LRBA: variants seen among roughly 807,000 people sequenced by gnomAD.
LRBA encodes lipopolysaccharide-responsive and beige-like anchor protein.
In LRBA, 176 loss-of-function variants were observed where a neutral mutation model predicts 330.0. The ratio of observed to expected loss-of-function variants is 0.53; its 90% confidence interval spans 0.47 to 0.60. The LOEUF (loss-of-function observed/expected upper bound fraction) is 0.60. Ranked by LOEUF, LRBA falls within the 20% of genes least tolerant of loss-of-function variation. The pLI is 0.00. For synonymous variants in LRBA, 1,230 were observed against 1,193.0 expected (o/e 1.03, Z -0.64); for missense variants, 3,259 against 3,444.8 (o/e 0.95, Z 1.35).
intron 35 of LRBA, among the ~76,000 whole-genome samples, chr4:150,740,484 G>C (rs774763505): frequency 6.6e-6 from 1 of 151,736 alleles, no homozygotes; most frequent in Non-Finnish European, 1.5e-5. Flanking sequence ...CTGGATTTAA[G>C]GCAAATACAC....
chr4:150,971,864 AG>A (rs1248047195), intron 2 of LRBA, among the ~76,000 whole-genome samples: 2 of 152,166 alleles, frequency 1.3e-5, no homozygotes, highest in African/African-American at 2.4e-5. Flanking sequence ...GTAAAAATGG[AG>A]ATGCCTTTAA....
chr4:150,923,369 AT>A (rs1316411123), intron 4 of LRBA, among the ~76,000 whole-genome samples: 2 of 151,944 alleles, frequency 1.3e-5, no homozygotes, highest in African/African-American at 4.8e-5. Flanking sequence ...GCTATTCCTT[AT>A]GCTTAAAATG....
chr4:150,445,397 A>C (rs576209498), intron 44 of LRBA, among the ~76,000 whole-genome samples: 2,892 of 144,064 alleles, frequency 0.02, 86 homozygotes, highest in East Asian at 0.048. Flanking sequence ...ATATATATAT[A>C]TATATATATA....
intron 44 of LRBA, among the ~76,000 whole-genome samples, chr4:150,444,746 C>T (rs1021738533): frequency 6.6e-6 from 1 of 152,138 alleles, no homozygotes. Context: ...ACTCACTACA[C>T]CATTTCGATT....
intron 53 of LRBA, among the ~76,000 whole-genome samples, chr4:150,300,161 ATAAGAAAAAGTGCC>A (rs1358105927): frequency 1.3e-5 from 2 of 152,110 alleles, no homozygotes; most frequent in African/African-American, 4.8e-5. Context: ...AATTCTCATT[ATAAGAAAAAGTGCC>A]TATTTGTCTT....
chr4:150,680,493 T>G (rs914286426), intron 37 of LRBA, among the ~76,000 whole-genome samples: 5 of 152,208 alleles, frequency 3.3e-5, no homozygotes, highest in African/African-American at 1.2e-4. Flanking sequence ...CCCATCTGCC[T>G]CTGAGAAAAT....
intron 49 of LRBA, among the ~76,000 whole-genome samples, chr4:150,324,689 C>T (rs574437754): frequency 1.5e-4 from 22 of 151,704 alleles, no homozygotes; most frequent in Non-Finnish European, 3.2e-4. Flanking sequence ...CTTTCCTTCC[C>T]AGTATTTATC....
chr4:150,904,593 G>C (rs570866831), intron 13 of LRBA, among the ~76,000 whole-genome samples: 19 of 151,826 alleles, frequency 1.3e-4, no homozygotes, highest in East Asian at 7.7e-4. Context: ...CATCAAAAGA[G>C]ACACAAAGCC....
chr4:150,978,897 C>G (rs1740521173), intron 2 of LRBA, among the ~76,000 whole-genome samples: 1 of 151,976 alleles, frequency 6.6e-6, no homozygotes, highest in South Asian at 2.1e-4. Flanking sequence ...ATCTAGAAAA[C>G]AGCCTCAAAA....
intron 37 of LRBA, among the ~76,000 whole-genome samples, chr4:150,669,008 T>C (rs992839548): frequency 3.3e-5 from 5 of 152,108 alleles, no homozygotes; most frequent in African/African-American, 9.7e-5. Context: ...GTGGTACATA[T>C]AGAGATAGCA....
intron 28 of LRBA, chr4:150,841,074 A>G (rs1436973352): frequency 1.2e-6 from 1 of 842,760 alleles, no homozygotes; most frequent in South Asian, 1.8e-5. Context: ...AAACAAAGGT[A>G]CATTTGTCTT....
chr4:150,852,663 T>A lies in LRBA; in HGVS notation c.3047A>T (p.Tyr1016Phe). 5 of 1,614,110 alleles carry A rather than the reference T, an allele frequency of 3.1e-6. No homozygotes were observed. Among genetic ancestry groups the A allele is most frequent in the Non-Finnish European group, 4.2e-6 (5 of 1,179,978 alleles). The change falls in exon 23 of 57, where the codon TAT becomes TTT. Residue 1016 changes from tyrosine (Y) to phenylalanine (F), a missense_variant. Transcript: ENST00000651943. Reference protein sequence around the residue: ...NIELQTTNTSYEEMKAEQENQ... With the variant: ...NIELQTTNTSFEEMKAEQENQ... ...TTCTTGCTCAGCTTTCATTTCTTCA[T>A]AAGATGTATTAGTAGTTTGCAGTTC...
At chr4:150,463,033 T>C (rs910705926) in intron 44 of LRBA, among the ~76,000 whole-genome samples, 1 of 151,966 alleles carries the variant, frequency 6.6e-6, no homozygotes, top group Non-Finnish European at 1.5e-5. Flanking sequence ...TTTTACTAAG[T>C]AAACAATCAC....
chr4:150,985,039 C>T (rs995332381), intron 2 of LRBA, among the ~76,000 whole-genome samples: 1 of 152,122 alleles, frequency 6.6e-6, no homozygotes, highest in African/African-American at 2.4e-5. Context: ...GGGTGGATCA[C>T]CTAAGGTAGG....
intron 22 of LRBA, among the ~76,000 whole-genome samples, chr4:150,864,231 C>T (rs1305282298): frequency 2.0e-5 from 3 of 152,010 alleles, no homozygotes; most frequent in South Asian, 2.1e-4. Flanking sequence ...CCACCGTGCC[C>T]GGGCAACACT....
chr4:150,940,968 C>G (rs1291599900), intron 2 of LRBA, among the ~76,000 whole-genome samples: 2 of 151,834 alleles, frequency 1.3e-5, no homozygotes, highest in Non-Finnish European at 2.9e-5. Flanking sequence ...AAGATCTAAT[C>G]TTGCTTTCAG....
At chr4:150,397,145 C>T (rs767301308) in intron 47 of LRBA, among the ~76,000 whole-genome samples, 2 of 152,020 alleles carry the variant, frequency 1.3e-5, no homozygotes, top group African/African-American at 2.4e-5. Flanking sequence ...ATTTTTATAT[C>T]CTAAATTTTT....
chr4:150,621,848 T>C (rs1280732779), intron 37 of LRBA, among the ~76,000 whole-genome samples: 1 of 152,188 alleles, frequency 6.6e-6, no homozygotes, highest in Non-Finnish European at 1.5e-5. Context: ...AGTTGTGCGA[T>C]GTCTTAGCTT....
At chr4:150,382,506 G>A (rs992647376) in intron 47 of LRBA, among the ~76,000 whole-genome samples, 10 of 151,790 alleles carry the variant, frequency 6.6e-5, no homozygotes, top group African/African-American at 2.4e-4. Context: ...GCCTGTAGTC[G>A]CAGCTACTCA....
Sources: allele counts gnomAD v4.1 joint callset (sites outside exome capture counted in the v4.1 genomes callset), GRCh38; gene constraint gnomAD v4.1.1; transcripts MANE v1.5; gene names NCBI Gene and HGNC (gene_info 2026-07-23, HGNC 2026-07-21).